Variants in SAMD11 observed in about 807,000 individuals in gnomAD.
SAMD11 encodes sterile alpha motif domain containing 11, also known as sterile alpha motif domain-containing protein 11.
SAMD11 carries 77 observed loss-of-function variants against 64.4 expected under a neutral mutation model. The ratio of observed to expected loss-of-function variants is 1.20; its 90% CI spans 0.99 to 1.44. The LOEUF is 1.44. Ranked by LOEUF, SAMD11 falls within the 40% of genes most tolerant of loss-of-function variation. The pLI, the probability that SAMD11 is intolerant of heterozygous loss-of-function variation, is 0.00. For missense variants in SAMD11, 1,402 were observed against 943.3 expected, an observed-to-expected ratio of 1.49 and a Z score of -6.37; for synonymous variants, 658 against 421.9, an observed-to-expected ratio of 1.56 and a Z score of -6.86.
At chr1:933,235 T>C (rs1641253680) in intron 4 of SAMD11, among the ~76,000 whole-genome samples, 1 of 152,192 alleles carries the variant, frequency 6.6e-6, no homozygotes, top group Admixed American at 6.5e-5. Flanking sequence ...CAGGGCGTGT[T>C]TCTTTACATA....
At chr1:929,307 G>C (rs993396851) in intron 2 of SAMD11, among the ~76,000 whole-genome samples, 1 of 152,208 alleles carries the variant, frequency 6.6e-6, no homozygotes, top group East Asian at 1.9e-4. Context: ...CCACACGCTC[G>C]TTCCGTGGGT....
Position 942,806 on chromosome 1 carries a change from G to T in SAMD11, c.1801G>T (p.Gly601Cys). ...GCGAGCCCCCCGGAAGGGGGGTCCC[G>T]GCCCTGCCTCAGCGCGGCCCAGCGA... is the stretch of plus-strand genomic sequence containing the variant. The part of the protein sequence containing the change: ...ARRAPRKGGP[G>C]PASARPSESK... Residue 601 changes from glycine to cysteine, a missense_variant, in exon 11 of 14, where the codon GGC (glycine) becomes TGC (cysteine). Gly to Cys is a radical substitution (Grantham distance 159). Transcript: ENST00000616016. 6.5e-7 allele frequency: 1 copy of T among 1,545,962 alleles called. No individual in the cohort carries two copies. The highest frequency in any genetic ancestry group is 8.7e-7 in the Non-Finnish European group (1 of 1,145,564).
chr1:942,159 T>A lies in SAMD11; in HGVS notation c.1382T>A (p.Leu461Ter). 1 of 1,413,166 alleles carries A rather than the reference T, an allele frequency of 7.1e-7. No individual in the cohort carries two copies. Among genetic ancestry groups the A allele is most frequent in the Non-Finnish European group, 9.4e-7 (1 of 1,067,256 alleles). The allele number at this position is 1,413,166 out of a possible 1,614,324, so 87.5% of individuals were successfully genotyped here. The change falls in exon 9 of 14, where the codon TTG becomes TAG. Residue 461 changes from leucine to a stop codon, truncating the protein, a stop_gained. Transcript: ENST00000616016. LOFTEE classifies it high-confidence loss of function. ...AGGGAGCTGCCTCAGCCGCCCCCCT[T>A]GCTGTCGCCGCAGAATGCCCCTCAC... ...SERELPQPPP[L>*]LSPQNAPHVA...
In SAMD11 at chr1:935,634, C is replaced by T. The variant is rs1012162165; in HGVS notation, c.843-138C>T. ...CACAGTGGCGTCACGGGCCACATGCCGAGGCGTGGGCACAGCAACGTGGCA... is the reference window on the plus strand; with the variant it reads ...CACAGTGGCGTCACGGGCCACATGCTGAGGCGTGGGCACAGCAACGTGGCA... On this transcript the variant is annotated intron_variant, in intron 4 of 13. Coordinates refer to ENST00000616016, the MANE Select transcript of SAMD11 (RefSeq NM_001385641.1). The T allele has an allele frequency of 1.7e-5, 20 of 1,186,716 alleles. No individual in the cohort carries two copies. The East Asian group carries it at 2.6e-4, about 16-fold the overall frequency. The allele number at this position is 1,186,716 out of a possible 1,614,324, so 73.5% of individuals were successfully genotyped here.
Position 942,653 on chromosome 1 carries a change from GGCGCCGAGGAGCTGCA to G in SAMD11, c.1652_1667del (p.Ala551GlyfsTer8). On this transcript the variant is annotated frameshift_variant, in exon 11 of 14. Transcript: ENST00000616016. LOFTEE classifies it high-confidence loss of function. The stretch of plus-strand genomic sequence containing the variant: ...CGAGACCGCCCTGCGCCCCAACGAC[GGCGCCGAGGAGCTGCA>G]GCGGCGCGGGGCCCTGCTGGTGCTG... 1 of 1,434,280 alleles carries G rather than the reference GGCGCCGAGGAGCTGCA, an allele frequency of 7.0e-7. No individual in the cohort carries two copies. Among genetic ancestry groups the G allele is most frequent in the South Asian group, 1.4e-5 (1 of 71,892 alleles). 88.8% of individuals were successfully genotyped at this position (1,434,280 alleles called of 1,614,324 possible). A position where few individuals can be genotyped will look rare whatever the true frequency, so the allele number is the denominator to read the frequency against.
In SAMD11 at chr1:924,354, C is replaced by T. The variant is rs1179191961; in HGVS notation, c.-78C>T. On this transcript the variant is annotated 5_prime_UTR_variant, in exon 1 of 14. Transcript: ENST00000616016. ...CGCGGCCAGGCGCCTCCCCGGCCCC[C>T]GCGACCCAACTCCAGCCCGGGCCGG... 6.7e-6 allele frequency: 1 copy of T among 149,440 alleles called. No homozygotes were observed. The highest frequency in any genetic ancestry group is 2.4e-5 in the African/African-American group (1 of 41,146). 9.3% of individuals were successfully genotyped at this position (149,440 alleles called of 1,614,324 possible).
rs1394060741 is a variant in SAMD11 at position 941,294 on chromosome 1, CCTT to C, written c.1349_1351del (p.Phe450del). ...GGCGCCGCCCCAGCTGCCGCCCCGT[CCTT>C]CTCGGAGAGGTACTGGGGTGGCTGC... On this transcript the variant is annotated inframe_deletion, in exon 8 of 14. Transcript: ENST00000616016. 6.3e-7 allele frequency: 1 copy of C among 1,589,384 alleles called. No homozygotes were observed. Among genetic ancestry groups the C allele is most frequent in the African/African-American group, 1.3e-5 (1 of 74,462 alleles).
At chr1:938,193 C>T (rs1641558563) in intron 5 of SAMD11, among the ~76,000 whole-genome samples, 1 of 152,160 alleles carries the variant, frequency 6.6e-6, no homozygotes, top group Non-Finnish European at 1.5e-5. Context: ...GTCGGCAGGA[C>T]CCAAGGGAGG....
In SAMD11 at chr1:942,400, TC is replaced by T; in HGVS notation, c.1475-6del. ...ACCCCCCGACCCCGCGTTGTCCCCC[TC>T]CCCACCAGGCTACGGCTTCCTGCCC... On this transcript the variant is annotated splice_polypyrimidine_tract_variant and intron_variant, in intron 9 of 13. Transcript: ENST00000616016. The T allele has an allele frequency of 9.2e-7, 1 of 1,087,346 alleles. No individual in the cohort carries two copies. The highest frequency in any genetic ancestry group is 1.7e-5 in the African/African-American group (1 of 57,726). The allele number at this position is 1,087,346 out of a possible 1,614,324, so 67.4% of individuals were successfully genotyped here.
chr1:936,082 G>A (rs1303674268), intron 5 of SAMD11, among the ~76,000 whole-genome samples, 186 bp downstream of exon 5: 2 of 152,244 alleles, frequency 1.3e-5, no homozygotes, highest in Non-Finnish European at 2.9e-5. Flanking sequence ...GGAGGCAGAG[G>A]CGGTGGCTCC....
chr1:928,569 A>G (rs1173450561), intron 2 of SAMD11, among the ~76,000 whole-genome samples: 2 of 152,258 alleles, frequency 1.3e-5, no homozygotes, highest in Admixed American at 6.5e-5. Context: ...GCCCGGGCAC[A>G]GACAGGCATC....
At position 942,761 on chromosome 1, in the gene SAMD11, C is replaced by A; in HGVS notation, c.1756C>A (p.Pro586Thr). Reference protein sequence around the residue: ...QGPPGSGPPTPSRDSARRAPR... With the variant: ...QGPPGSGPPTTSRDSARRAPR... ...GCCCCCGGGCTCCGGACCCCCCACC[C>A]CGTCCCGGGACTCTGCCCGGCGAGC... The change falls in exon 11 of 14, where the codon CCG becomes ACG. Residue 586 changes from proline (P) to threonine (T), a missense_variant. Physicochemically the swap from Pro to Thr is conservative, Grantham distance 38 (BLOSUM62 -1). Coordinates refer to ENST00000616016, the MANE Select transcript of SAMD11 (RefSeq NM_001385641.1). 6.6e-7 allele frequency: 1 copy of A among 1,521,496 alleles called. No homozygotes were observed. Among genetic ancestry groups the A allele is most frequent in the Non-Finnish European group, 8.8e-7 (1 of 1,138,142 alleles). The allele number at this position is 1,521,496 out of a possible 1,614,324, so 94.2% of individuals were successfully genotyped here. A position where few individuals can be genotyped will look rare whatever the true frequency, so the allele number is the denominator to read the frequency against.
chr1:939,170 G>C lies in SAMD11; in HGVS notation c.1057+41G>C, dbSNP rs200340631. On this transcript the variant is annotated intron_variant, in intron 6 of 13. Coordinates refer to ENST00000616016, the MANE Select transcript of SAMD11 (RefSeq NM_001385641.1). ...GGACGAGAGACAGGTCACCAGGGGA[G>C]GGGGCAGTCCCTGAGGGTCCCCTGG... 146 of 1,555,762 alleles carry C rather than the reference G, an allele frequency of 9.4e-5. 2 individuals are homozygous for C. The East Asian group carries it at 3.2e-3, about 34-fold the overall frequency.
chr1:933,531 C>T lies in SAMD11; in HGVS notation c.843-2241C>T, dbSNP rs531139848. Among the ~76,000 whole-genome samples, 11 of 138,860 alleles carry T rather than the reference C, an allele frequency of 7.9e-5. 1 individual carries two copies. The East Asian group carries it at 1.0e-3, about 13-fold the overall frequency. The allele number at this position is 138,860 out of a possible 152,430, so 91.1% of individuals were successfully genotyped here. On this transcript the variant is annotated intron_variant, in intron 4 of 13. Transcript: ENST00000616016. Reference sequence around the variant, plus strand: ...GGGAAACTAGTTCTCCTCCTGCAGGCGTCCTGGGGACACCAGAGGGGGGAC... The same window carrying T: ...GGGAAACTAGTTCTCCTCCTGCAGGTGTCCTGGGGACACCAGAGGGGGGAC...
Position 942,213 on chromosome 1 carries a change from C to T in SAMD11, c.1436C>T (p.Pro479Leu), listed in dbSNP as rs765877680. 3.7e-6 allele frequency: 5 copies of T among 1,361,776 alleles called. No homozygotes were observed. Among genetic ancestry groups the T allele is most frequent in the South Asian group, 1.8e-5 (1 of 56,698 alleles). The allele number at this position is 1,361,776 out of a possible 1,614,324, so 84.4% of individuals were successfully genotyped here. ...HVALGPHLRPPFLGVPSALCQ... is the reference protein window; with the variant it reads ...HVALGPHLRPLFLGVPSALCQ... ...GCCCTGGGCCCCCATCTCAGGCCCC[C>T]CTTCCTGGGGGTGCCCTCGGCTCTG... Residue 479 changes from proline (P) to leucine (L), a missense_variant, in exon 9 of 14, where the codon CCC (proline) becomes CTC (leucine). Pro to Leu is a moderately conservative substitution (Grantham distance 98, BLOSUM62 -3). Transcript: ENST00000616016.
intron 4 of SAMD11, among the ~76,000 whole-genome samples, chr1:935,073 A>G (rs1641359059): frequency 6.6e-6 from 1 of 152,104 alleles, no homozygotes; most frequent in South Asian, 2.1e-4. Context: ...CGTGCTCCAC[A>G]CAGTTCGTCT....
At chr1:937,131 C>T (rs900862904) in intron 5 of SAMD11, among the ~76,000 whole-genome samples, 2 of 152,140 alleles carry the variant, frequency 1.3e-5, no homozygotes, top group African/African-American at 2.4e-5. Flanking sequence ...GGGTCTGGCC[C>T]GCTCCCCGGA....
At chr1:930,006 AC>A in intron 2 of SAMD11, 148 bp from the exon 3 acceptor site, 1 of 902,190 alleles carries the variant, frequency 1.1e-6, no homozygotes, top group Non-Finnish European at 1.7e-6. Context: ...CTCTGAGGGC[AC>A]CTCTGCCGTG....
intron 5 of SAMD11, among the ~76,000 whole-genome samples, chr1:936,992 G>C (rs1039281727): frequency 2.0e-5 from 3 of 152,172 alleles, no homozygotes; most frequent in African/African-American, 4.8e-5. Context: ...GGGTGCACGT[G>C]ATGGGGGTTG....
Sources: allele counts gnomAD v4.1 joint callset (sites outside exome capture counted in the v4.1 genomes callset), GRCh38; gene constraint gnomAD v4.1.1; transcripts MANE v1.5; gene names NCBI Gene and HGNC (gene_info 2026-07-23, HGNC 2026-07-21).